Variants in BABAM2 observed in about 807,000 individuals in gnomAD.
The protein encoded by BABAM2 is BRISC and BRCA1-A complex member 2.
In BABAM2, 31 loss-of-function variants were observed where a neutral mutation model predicts 54.7. The ratio of observed to expected loss-of-function variants is 0.57; its 90% CI spans 0.43 to 0.77. BABAM2 has a LOEUF of 0.77. BABAM2 is among the 30% of genes least tolerant of loss of function. The probability of loss-of-function intolerance (pLI) is 0.00; values close to 1 mark genes in which losing one functional copy is unlikely to be tolerated. For missense variants in BABAM2, 364 were observed against 455.8 expected (o/e 0.80, Z 1.83); for synonymous variants, 167 against 162.9 (o/e 1.03, Z -0.19).
intron 6 of BABAM2, among the ~76,000 whole-genome samples, chr2:28,098,737 T>G (rs1666827062): frequency 6.6e-6 from 1 of 152,196 alleles, no homozygotes; most frequent in African/African-American, 2.4e-5. Flanking sequence ...CTTGTTGGAA[T>G]GTGTTCACAT....
At chr2:28,242,111 A>T (rs1682497681) in intron 9 of BABAM2, among the ~76,000 whole-genome samples, 1 of 152,156 alleles carries the variant, frequency 6.6e-6, no homozygotes, top group African/African-American at 2.4e-5. Context: ...TAAGTTCAGT[A>T]ACCCAATGGA....
chr2:27,992,174 A>G (rs932348201), intron 4 of BABAM2, among the ~76,000 whole-genome samples: 2 of 152,106 alleles, frequency 1.3e-5, no homozygotes, highest in Non-Finnish European at 2.9e-5. Context: ...GGCTATTTGT[A>G]TATATCCTTT....
At chr2:27,944,496 G>T (rs987509871) in intron 3 of BABAM2, among the ~76,000 whole-genome samples, 29 of 152,112 alleles carry the variant, frequency 1.9e-4, no homozygotes, top group Admixed American at 1.8e-3. Context: ...TGTAGTTTTT[G>T]GTATATGGCC....
intron 7 of BABAM2, among the ~76,000 whole-genome samples, chr2:28,184,475 C>T (rs1676055443): frequency 1.6e-5 from 2 of 126,038 alleles, no homozygotes; most frequent in Non-Finnish European, 3.5e-5. Flanking sequence ...CTATCCCTCC[C>T]CTCTCCCCCC....
chr2:28,323,792 G>C (rs1690223208), intron 11 of BABAM2, among the ~76,000 whole-genome samples: 1 of 152,124 alleles, frequency 6.6e-6, no homozygotes, highest in African/African-American at 2.4e-5. Flanking sequence ...TCTGGGGCTC[G>C]TTATTTAGAG....
chr2:28,332,676 T>C (rs1691067295), intron 11 of BABAM2, among the ~76,000 whole-genome samples: 1 of 152,072 alleles, frequency 6.6e-6, no homozygotes, highest in African/African-American at 2.4e-5. Context: ...TAAATACCCT[T>C]CTAGGAAGAG....
At chr2:27,926,809 T>A (rs1488157952) in intron 2 of BABAM2, among the ~76,000 whole-genome samples, 1 of 152,194 alleles carries the variant, frequency 6.6e-6, no homozygotes, top group Non-Finnish European at 1.5e-5. Context: ...AAACTATAAT[T>A]TGTTAGTCAA....
At chr2:28,103,592 A>T (rs1252238866) in intron 6 of BABAM2, among the ~76,000 whole-genome samples, 1 of 152,308 alleles carries the variant, frequency 6.6e-6, no homozygotes, top group East Asian at 1.9e-4. Context: ...GACAGGCGTG[A>T]GCCACTGCAC....
chr2:27,989,476 A>C (rs551456681), intron 4 of BABAM2, among the ~76,000 whole-genome samples: 26 of 152,224 alleles, frequency 1.7e-4, no homozygotes, highest in Non-Finnish European at 3.8e-4. Flanking sequence ...AGTAGCTAGG[A>C]TTTGTCTAAT....
chr2:28,104,134 A>G (rs1367954271), intron 6 of BABAM2, among the ~76,000 whole-genome samples: 1 of 152,236 alleles, frequency 6.6e-6, no homozygotes, highest in Non-Finnish European at 1.5e-5. Flanking sequence ...AGGCATGGGC[A>G]AGGACTTCAT....
At chr2:27,901,126 A>AGATCT (rs985897720) in intron 2 of BABAM2, among the ~76,000 whole-genome samples, 1 of 151,946 alleles carries the variant, frequency 6.6e-6, no homozygotes, top group Non-Finnish European at 1.5e-5. Context: ...ATACAGACTG[A>AGATCT]GATCTGAAGG....
At chr2:28,127,146 A>C (rs891883377) in intron 6 of BABAM2, among the ~76,000 whole-genome samples, 1 of 152,144 alleles carries the variant, frequency 6.6e-6, no homozygotes, top group Non-Finnish European at 1.5e-5. Flanking sequence ...TAGTTTAATT[A>C]GATCCCATTT....
chr2:28,197,932 A>G (rs1267110039), intron 7 of BABAM2, among the ~76,000 whole-genome samples: 2 of 152,182 alleles, frequency 1.3e-5, no homozygotes, highest in East Asian at 3.9e-4. Flanking sequence ...AGTTCTGATA[A>G]CCTAATTAGG....
intron 7 of BABAM2, among the ~76,000 whole-genome samples, chr2:28,130,541 C>T (rs899431004): frequency 2.0e-5 from 3 of 151,988 alleles, no homozygotes; most frequent in Non-Finnish European, 4.4e-5. Flanking sequence ...CAGCCTTGAC[C>T]TCCTGGGCTC....
intron 7 of BABAM2, among the ~76,000 whole-genome samples, chr2:28,143,605 G>T (rs900029902): frequency 2.0e-5 from 3 of 151,968 alleles, no homozygotes; most frequent in African/African-American, 7.3e-5. Context: ...ACATCATGTT[G>T]TATACCTTAA....
chr2:27,951,825 C>A (rs993388451), intron 3 of BABAM2, among the ~76,000 whole-genome samples: 1 of 152,110 alleles, frequency 6.6e-6, no homozygotes, highest in African/African-American at 2.4e-5. Context: ...TACGCTGCAC[C>A]CTATTTGTAG....
At chr2:27,982,848 C>CACACACACACACACACACTGTGTAT (rs1672119567) in intron 3 of BABAM2, among the ~76,000 whole-genome samples, 1 of 144,312 alleles carries the variant, frequency 6.9e-6, no homozygotes, top group Non-Finnish European at 1.5e-5. Flanking sequence ...TATGTGTACA[C>CACACACACACACACACACTGTGTAT]ACACACACAC....
intron 11 of BABAM2, among the ~76,000 whole-genome samples, chr2:28,321,545 C>A (rs1363050694): frequency 1.3e-5 from 2 of 152,116 alleles, no homozygotes; most frequent in Admixed American, 6.5e-5. Flanking sequence ...GCTGTGTCAC[C>A]ACTAGCCAAA....
chr2:28,247,718 G>C (rs914022468), intron 10 of BABAM2, among the ~76,000 whole-genome samples: 2 of 152,042 alleles, frequency 1.3e-5, no homozygotes, highest in African/African-American at 4.8e-5. Context: ...TATTCTCCTC[G>C]GGCCCAGGAT....
Sources: allele counts gnomAD v4.1 joint callset (sites outside exome capture counted in the v4.1 genomes callset), GRCh38; gene constraint gnomAD v4.1.1; transcripts MANE v1.5; gene names NCBI Gene and HGNC (gene_info 2026-07-23, HGNC 2026-07-21).